The following GMDS variants were observed in gnomAD, a reference collection of about 807,000 sequenced individuals.
GMDS encodes GDP-mannose 4,6-dehydratase, also known as GDP-mannose 4,6 dehydratase.
A neutral mutation model predicts 49.9 loss-of-function variants in GMDS; 20 were observed. That is an observed-to-expected ratio of 0.40 (90% CI 0.28 to 0.58). The LOEUF is 0.58. Among genes scored for constraint, GMDS ranks in the 20% least tolerant of loss-of-function variants. GMDS has a pLI of 0.42. For missense variants in GMDS, 362 were observed against 481.4 expected, an observed-to-expected ratio of 0.75 and a Z score of 2.32; for synonymous variants, 177 against 178.6, an observed-to-expected ratio of 0.99 and a Z score of 0.07.
chr6:1,852,332 C>T (rs538084116), intron 7 of GMDS, among the ~76,000 whole-genome samples: 1 of 152,156 alleles, frequency 6.6e-6, no homozygotes, highest in Non-Finnish European at 1.5e-5. Context: ...AATAAATTTA[C>T]AGTATGTCCT....
intron 2 of GMDS, 72 bp from the exon 3 acceptor site, chr6:2,117,628 G>T (rs1039864253): frequency 1.3e-6 from 1 of 794,482 alleles, no homozygotes; most frequent in Admixed American, 1.9e-5. Flanking sequence ...CTAATGTTTA[G>T]CTTTATGAAA....
intron 7 of GMDS, among the ~76,000 whole-genome samples, chr6:1,784,103 T>C (rs567027492): frequency 7.2e-5 from 11 of 152,314 alleles, no homozygotes; most frequent in African/African-American, 2.4e-4. Flanking sequence ...TTGTATGTTA[T>C]AGGTGGGCTA....
At chr6:2,004,120 T>C (rs1312133474) in intron 4 of GMDS, among the ~76,000 whole-genome samples, 1 of 152,220 alleles carries the variant, frequency 6.6e-6, no homozygotes, top group Non-Finnish European at 1.5e-5. Flanking sequence ...CATATATCTC[T>C]ACATTTAAAA....
intron 1 of GMDS, among the ~76,000 whole-genome samples, chr6:2,233,588 G>A (rs895960016): frequency 6.6e-6 from 1 of 152,234 alleles, no homozygotes; most frequent in Non-Finnish European, 1.5e-5. Flanking sequence ...GAGAGGCTGA[G>A]GTGGGCAGAT....
At chr6:1,712,425 C>G (rs144170719) in intron 9 of GMDS, among the ~76,000 whole-genome samples, 6 of 152,284 alleles carry the variant, frequency 3.9e-5, no homozygotes, top group African/African-American at 1.4e-4. Context: ...ATCTTAGCTC[C>G]TAATTATTTT....
intron 7 of GMDS, among the ~76,000 whole-genome samples, chr6:1,745,642 C>T (rs1767463315): frequency 6.6e-6 from 1 of 152,236 alleles, no homozygotes. Context: ...ATCAGACTAT[C>T]TGTGGCCTTT....
chr6:1,740,409 T>A (rs552138857), intron 8 of GMDS, among the ~76,000 whole-genome samples: 1 of 151,844 alleles, frequency 6.6e-6, no homozygotes, highest in African/African-American at 2.4e-5. Flanking sequence ...ATACAAAAAT[T>A]AGATGGGCGT....
chr6:1,868,477 C>T lies in GMDS; in HGVS notation c.771+61626G>A, dbSNP rs541250698. Among the ~76,000 whole-genome samples, 6 of 152,316 alleles carry T rather than the reference C, an allele frequency of 3.9e-5. No homozygotes were observed. In the East Asian group the frequency reaches 1.2e-3, roughly 29 times the overall value. On this transcript the variant is annotated intron_variant, in intron 7 of 10. Transcript: ENST00000380815. ...GCATTTAGTTTCCCAGACCCTTCAT[C>T]ACAAGACTGCCTCACATTCAGGGAG...
At chr6:1,978,582 A>G (rs1043665225) in intron 4 of GMDS, among the ~76,000 whole-genome samples, 9 of 151,684 alleles carry the variant, frequency 5.9e-5, no homozygotes, top group African/African-American at 1.9e-4. Context: ...CTCCCACCCC[A>G]TGTTCTTTGG....
intron 4 of GMDS, among the ~76,000 whole-genome samples, chr6:2,102,114 C>G (rs1029170043): frequency 6.6e-6 from 1 of 151,966 alleles, no homozygotes; most frequent in Non-Finnish European, 1.5e-5. Flanking sequence ...GATGTAGTCA[C>G]GTAAACAAAT....
intron 1 of GMDS, among the ~76,000 whole-genome samples, chr6:2,145,654 AAAC>A (rs1187583713): frequency 6.6e-6 from 1 of 152,220 alleles, no homozygotes; most frequent in Non-Finnish European, 1.5e-5. Context: ...TTCAGAAAAC[AAAC>A]AATAAAAAAA....
intron 4 of GMDS, among the ~76,000 whole-genome samples, chr6:2,092,069 A>G (rs1773350447): frequency 6.6e-6 from 1 of 152,184 alleles, no homozygotes; most frequent in Non-Finnish European, 1.5e-5. Context: ...AAAACAATGA[A>G]TTTTACATGG....
chr6:1,695,139 T>C (rs917086239), intron 9 of GMDS, among the ~76,000 whole-genome samples: 7 of 152,154 alleles, frequency 4.6e-5, no homozygotes, highest in Non-Finnish European at 1.0e-4. Context: ...GATTGACAAA[T>C]GCAGCCCATG....
chr6:1,666,291 C>T (rs963263418), intron 9 of GMDS, among the ~76,000 whole-genome samples: 1 of 152,112 alleles, frequency 6.6e-6, no homozygotes. Context: ...TTTTCTGTGC[C>T]GTCTTTATTT....
At chr6:1,718,518 A>G (rs1766254394) in intron 9 of GMDS, among the ~76,000 whole-genome samples, 1 of 151,524 alleles carries the variant, frequency 6.6e-6, no homozygotes, top group South Asian at 2.1e-4. Flanking sequence ...GGCACCTGTC[A>G]CTGTTTCTCT....
Position 2,105,042 on chromosome 6 carries a change from T to C in GMDS, c.345+10729A>G, listed in dbSNP as rs920057103. 7.3e-5 allele frequency among the ~76,000 whole-genome samples: 11 copies of C among 151,646 alleles called. No homozygotes were observed. The South Asian group carries it at 8.3e-4, about 11-fold the overall frequency. On this transcript the variant is annotated intron_variant, in intron 4 of 10. Transcript: ENST00000380815. The stretch of plus-strand genomic sequence containing the variant: ...CCAAAAACACAAAAAATTAGCCAGG[T>C]GTGGTGGCAGGCACCTGTAGTCCCA...
intron 1 of GMDS, among the ~76,000 whole-genome samples, chr6:2,146,107 C>T (rs960191241): frequency 1.4e-4 from 21 of 152,294 alleles, no homozygotes; most frequent in African/African-American, 4.1e-4. Flanking sequence ...AGCGAAATAA[C>T]GTTTCACACC....
chr6:2,053,770 G>T (rs1770618292), intron 4 of GMDS, among the ~76,000 whole-genome samples: 1 of 152,060 alleles, frequency 6.6e-6, no homozygotes, highest in African/African-American at 2.4e-5. Flanking sequence ...AGAAACCTTT[G>T]ATTTTTTAAA....
intron 1 of GMDS, among the ~76,000 whole-genome samples, chr6:2,217,345 GC>G (rs1000804324): frequency 3.9e-5 from 6 of 152,014 alleles, no homozygotes; most frequent in Non-Finnish European, 7.4e-5. Context: ...ATAGAGAGCT[GC>G]CATATATTTT....
Sources: allele counts gnomAD v4.1 joint callset (sites outside exome capture counted in the v4.1 genomes callset), GRCh38; gene constraint gnomAD v4.1.1; transcripts MANE v1.5; gene names NCBI Gene and HGNC (gene_info 2026-07-23, HGNC 2026-07-21).